The following PPARGC1B variants were observed in gnomAD, a reference collection of about 807,000 sequenced individuals.
PPARGC1B encodes the protein PPARG coactivator 1 beta.
A neutral mutation model predicts 101.6 loss-of-function variants in PPARGC1B; 34 were observed. The ratio of observed to expected loss-of-function variants is 0.33; its 90% CI spans 0.25 to 0.45. PPARGC1B has a LOEUF of 0.45. Ranked by LOEUF, PPARGC1B falls within the 20% of genes least tolerant of loss-of-function variation. PPARGC1B has a pLI of 1.00. For missense variants in PPARGC1B, 1,234 were observed against 1,317.6 expected (o/e 0.94, Z 0.98); for synonymous variants, 548 against 539.3 (o/e 1.02, Z -0.22).
rs1754408927 is a variant in PPARGC1B, at chr5:149,730,456, G to A, written c.78+36G>A. 1 of 1,496,074 alleles carries A rather than the reference G, an allele frequency of 6.7e-7. No individual in the cohort carries two copies. The allele number at this position is 1,496,074 out of a possible 1,614,324, so 92.7% of individuals were successfully genotyped here. A position where few individuals can be genotyped will look rare whatever the true frequency, so the allele number is the denominator to read the frequency against. On this transcript the variant is annotated intron_variant, in intron 1 of 11. Coordinates refer to ENST00000309241, the MANE Select transcript of PPARGC1B (RefSeq NM_133263.4). The surrounding 1 kb of genome is among the most constrained non-coding windows in gnomAD (Gnocchi z 4.0). ...CTGGGGCTGCGGGCCCGGGGCCAGGGGTGCTGAGCTGCGGGGGCCGCAGCT... is the reference window on the plus strand; with the variant it reads ...CTGGGGCTGCGGGCCCGGGGCCAGGAGTGCTGAGCTGCGGGGGCCGCAGCT...
chr5:149,790,228 AC>A (rs981696605), intron 1 of PPARGC1B, among the ~76,000 whole-genome samples: 24 of 152,252 alleles, frequency 1.6e-4, no homozygotes, highest in Admixed American at 1.4e-3. Flanking sequence ...GGTCAAAAGG[AC>A]CAGAATGATA....
At chr5:149,733,703 A>G (rs1754586958) in intron 1 of PPARGC1B, among the ~76,000 whole-genome samples, 1 of 152,062 alleles carries the variant, frequency 6.6e-6, no homozygotes, top group African/African-American at 2.4e-5. Context: ...AGTGTGGGAG[A>G]GAGGAATGCA....
intron 1 of PPARGC1B, among the ~76,000 whole-genome samples, chr5:149,810,069 TC>T (rs1225110185): frequency 6.6e-6 from 1 of 152,134 alleles, no homozygotes; most frequent in Admixed American, 6.5e-5. Context: ...GGCAAGCAAC[TC>T]CCTGTAACTA....
At chr5:149,826,644 T>C in intron 2 of PPARGC1B, 29 bp from the exon 3 acceptor site, 1 of 1,578,288 alleles carries the variant, frequency 6.3e-7, no homozygotes, top group Non-Finnish European at 8.7e-7. Flanking sequence ...CCATCTGCCT[T>C]TCTGACCCTC....
intron 1 of PPARGC1B, among the ~76,000 whole-genome samples, chr5:149,814,166 T>C (rs150458051): frequency 6.6e-6 from 1 of 152,172 alleles, no homozygotes; most frequent in Non-Finnish European, 1.5e-5. Flanking sequence ...ATTTTGTGAC[T>C]AGAAACCTAG....
At position 149,730,554 on chromosome 5, in the gene PPARGC1B, T is replaced by G; in HGVS notation, c.78+134T>G. The stretch of plus-strand genomic sequence containing the variant: ...GGGGTTCCAGGCTGCAGAGCCCCCC[T>G]TCCAGGCGCCCTGCGATGCGCTCCG... On this transcript the variant is annotated intron_variant, in intron 1 of 11. Coordinates refer to ENST00000309241, the MANE Select transcript of PPARGC1B (RefSeq NM_133263.4). The surrounding 1 kb of genome is among the most constrained non-coding windows in gnomAD (Gnocchi z 4.0). The G allele has an allele frequency of 1.6e-6, 1 of 624,812 alleles. No individual in the cohort carries two copies. The highest frequency in any genetic ancestry group is 4.7e-4 in the Middle Eastern group (1 of 2,150). The allele number at this position is 624,812 out of a possible 1,614,324, so 38.7% of individuals were successfully genotyped here.
chr5:149,856,027 G>A (rs912347211), downstream of PPARGC1B, among the ~76,000 whole-genome samples: 1 of 152,188 alleles, frequency 6.6e-6, no homozygotes, highest in African/African-American at 2.4e-5. Flanking sequence ...TGAGGCAGGA[G>A]AATCGCTTGA....
At chr5:149,744,335 G>A (rs576292543) in intron 1 of PPARGC1B, among the ~76,000 whole-genome samples, 6 of 152,342 alleles carry the variant, frequency 3.9e-5, no homozygotes, top group African/African-American at 7.2e-5. Flanking sequence ...GTGTGCCTAT[G>A]TAGGCATGGG....
intron 2 of PPARGC1B, 89 bp downstream of exon 2, chr5:149,820,695 C>T (rs1758259064): frequency 1.5e-6 from 2 of 1,310,926 alleles, no homozygotes; most frequent in Admixed American, 4.0e-5. Flanking sequence ...CCTTCTCCTG[C>T]ACTTGCTCAT....
intron 1 of PPARGC1B, among the ~76,000 whole-genome samples, chr5:149,819,379 G>A (rs1157492933): frequency 6.6e-6 from 1 of 152,120 alleles, no homozygotes; most frequent in Non-Finnish European, 1.5e-5. Context: ...TTACATGCTG[G>A]TATTCTACAA....
intron 1 of PPARGC1B, among the ~76,000 whole-genome samples, chr5:149,786,223 G>A (rs1201713578): frequency 6.6e-6 from 1 of 152,124 alleles, no homozygotes; most frequent in Non-Finnish European, 1.5e-5. Context: ...CTCCTGAGTA[G>A]CTGGGATTAC....
At chr5:149,765,786 G>A (rs993173283) in intron 1 of PPARGC1B, among the ~76,000 whole-genome samples, 5 of 150,686 alleles carry the variant, frequency 3.3e-5, no homozygotes, top group Non-Finnish European at 5.9e-5. Context: ...GCGTGAACCC[G>A]GGAGGTGGAG....
chr5:149,800,668 G>A (rs1208597128), intron 1 of PPARGC1B, among the ~76,000 whole-genome samples: 2 of 152,240 alleles, frequency 1.3e-5, no homozygotes. Flanking sequence ...TGCTGCTGTT[G>A]TCATGTGACA....
chr5:149,825,210 C>T (rs1758467419), intron 2 of PPARGC1B, among the ~76,000 whole-genome samples: 1 of 152,262 alleles, frequency 6.6e-6, no homozygotes, highest in Non-Finnish European at 1.5e-5. Flanking sequence ...CGCCGACCCT[C>T]CTTATGGTTC....
intron 1 of PPARGC1B, among the ~76,000 whole-genome samples, chr5:149,752,813 A>G (rs565848100): frequency 1.8e-4 from 28 of 152,312 alleles, no homozygotes; most frequent in Non-Finnish European, 3.5e-4. Flanking sequence ...TGGGTGACAG[A>G]GTGAGACTCC....
chr5:149,834,613 G>C (rs1758965298), intron 5 of PPARGC1B, 61 bp from the exon 6 acceptor site: 2 of 1,530,258 alleles, frequency 1.3e-6, no homozygotes, highest in Non-Finnish European at 1.8e-6. Flanking sequence ...TCCTCCAGAG[G>C]GGAAACATCT....
chr5:149,787,077 C>G (rs1756837949), intron 1 of PPARGC1B, among the ~76,000 whole-genome samples: 1 of 152,230 alleles, frequency 6.6e-6, no homozygotes, highest in Non-Finnish European at 1.5e-5. Context: ...GTGAGAGCTC[C>G]ATTTCCACAC....
chr5:149,823,877 C>T (rs1758401053), intron 2 of PPARGC1B, among the ~76,000 whole-genome samples: 1 of 152,220 alleles, frequency 6.6e-6, no homozygotes, highest in Admixed American at 6.5e-5. Flanking sequence ...CCGTGACCGG[C>T]ACTCAGTAAG....
intron 1 of PPARGC1B, among the ~76,000 whole-genome samples, chr5:149,764,343 G>GT (rs889669021): frequency 6.6e-6 from 1 of 152,192 alleles, no homozygotes; most frequent in Non-Finnish European, 1.5e-5. Context: ...CCGGCGAGCA[G>GT]TGGCCTCCAG....
Sources: allele counts gnomAD v4.1 joint callset (sites outside exome capture counted in the v4.1 genomes callset), GRCh38; gene constraint gnomAD v4.1.1; non-coding constraint Gnocchi (gnomAD v3.1); transcripts MANE v1.5; gene names NCBI Gene and HGNC (gene_info 2026-07-23, HGNC 2026-07-21).